Variants in ZNF385D observed in about 807,000 individuals in gnomAD.
ZNF385D encodes the protein zinc finger protein 659.
ZNF385D carries 15 observed loss-of-function variants against 35.8 expected under a neutral mutation model. The observed-to-expected ratio is 0.42, with a 90% confidence interval of 0.28 to 0.64. The LOEUF (loss-of-function observed/expected upper bound fraction) is 0.64, where lower values mean the gene tolerates loss of function less well. Among genes scored for constraint, ZNF385D ranks in the 30% least tolerant of loss-of-function variants. The pLI is 0.23. For missense variants in ZNF385D, 474 were observed against 494.6 expected (o/e 0.96, Z 0.39); for synonymous variants, 212 against 186.8 (o/e 1.13, Z -1.10).
chr3:22,086,790 G>C (rs949412564), intron 3 of ZNF385D, among the ~76,000 whole-genome samples: 2 of 152,152 alleles, frequency 1.3e-5, no homozygotes, highest in African/African-American at 4.8e-5. Flanking sequence ...GTAGGGACAT[G>C]GATGAAGCTG....
chr3:22,180,854 TA>T (rs1669745640), intron 2 of ZNF385D, among the ~76,000 whole-genome samples: 1 of 151,170 alleles, frequency 6.6e-6, no homozygotes, highest in Admixed American at 6.6e-5. Context: ...ACAGTAAGGC[TA>T]AGAGGAGAAT....
At chr3:22,266,273 C>T (rs564079835) in intron 2 of ZNF385D, among the ~76,000 whole-genome samples, 2 of 151,896 alleles carry the variant, frequency 1.3e-5, no homozygotes, top group Non-Finnish European at 2.9e-5. Flanking sequence ...AAAGTCATGC[C>T]GACTGGTAGA....
intron 3 of ZNF385D, among the ~76,000 whole-genome samples, chr3:22,065,798 G>T (rs1699918052): frequency 2.0e-5 from 3 of 152,138 alleles, no homozygotes; most frequent in South Asian, 4.1e-4. Context: ...CACAAATTGT[G>T]TAAGTCATAA....
At chr3:21,680,074 T>C (rs2066852944) in intron 1 of ZNF385D, among the ~76,000 whole-genome samples, 1 of 152,018 alleles carries the variant, frequency 6.6e-6, no homozygotes, top group Non-Finnish European at 1.5e-5. Context: ...AGTGGAAAAA[T>C]AGAGTCACAC....
intron 2 of ZNF385D, among the ~76,000 whole-genome samples, chr3:22,363,005 A>G (rs1346235782): frequency 6.6e-6 from 1 of 152,176 alleles, no homozygotes; most frequent in Non-Finnish European, 1.5e-5. Flanking sequence ...CTACGAGATC[A>G]GCAAAGAACT....
At chr3:22,282,894 C>T (rs1356918366) in intron 2 of ZNF385D, among the ~76,000 whole-genome samples, 1 of 151,946 alleles carries the variant, frequency 6.6e-6, no homozygotes, top group African/African-American at 2.4e-5. Flanking sequence ...CACAGAATGG[C>T]AGAATGGATA....
intron 3 of ZNF385D, among the ~76,000 whole-genome samples, chr3:22,081,989 CT>C (rs1187402145): frequency 1.6e-5 from 1 of 63,276 alleles, no homozygotes; most frequent in Non-Finnish European, 3.3e-5. Flanking sequence ...TTGGGGTTTT[CT>C]ATTTTTTTTT....
At chr3:21,469,047 G>A (rs1703715595) in intron 4 of ZNF385D, among the ~76,000 whole-genome samples, 1 of 151,862 alleles carries the variant, frequency 6.6e-6, no homozygotes, top group Non-Finnish European at 1.5e-5. Context: ...TGACTGGACT[G>A]TGCATGAGTA....
At chr3:21,954,593 C>T (rs1323741925) in intron 3 of ZNF385D, among the ~76,000 whole-genome samples, 2 of 152,008 alleles carry the variant, frequency 1.3e-5, no homozygotes, top group African/African-American at 4.8e-5. Context: ...TAGGTGTAAA[C>T]AACTTAATTT....
intron 2 of ZNF385D, among the ~76,000 whole-genome samples, chr3:21,580,772 T>A (rs531228878): frequency 2.4e-4 from 37 of 151,166 alleles, no homozygotes; most frequent in Admixed American, 5.3e-4. Context: ...CATATATATA[T>A]CTGAATATAT....
At chr3:21,868,393 G>C (rs1465583975) in intron 3 of ZNF385D, among the ~76,000 whole-genome samples, 1 of 152,144 alleles carries the variant, frequency 6.6e-6, no homozygotes, top group Non-Finnish European at 1.5e-5. Flanking sequence ...GGGAATGTGA[G>C]TATATAGCTA....
At chr3:21,642,185 C>A (rs2065627764) in intron 2 of ZNF385D, among the ~76,000 whole-genome samples, 1 of 152,092 alleles carries the variant, frequency 6.6e-6, no homozygotes, top group Non-Finnish European at 1.5e-5. Context: ...GTCTTTTGTG[C>A]TATATGTAAA....
Position 22,172,275 on chromosome 3 carries a change from T to C in ZNF385D, c.107-3240A>G, listed in dbSNP as rs573612003. On this transcript the variant is annotated intron_variant, in intron 2 of 5. Coordinates refer to the ZNF385D transcript ENST00000494108. ...GTAATTATCAAAGGAATGAGGTGTT[T>C]GTTTGTGTGAGTGTGTTTTAATTTT... Among the ~76,000 whole-genome samples, 39 of 152,252 alleles carry C rather than the reference T, an allele frequency of 2.6e-4. No individual in the cohort carries two copies. In the South Asian group the frequency reaches 7.5e-3, roughly 29 times the overall value.
At chr3:22,147,904 GA>G (rs1187675416) in intron 3 of ZNF385D, among the ~76,000 whole-genome samples, 2 of 152,118 alleles carry the variant, frequency 1.3e-5, no homozygotes, top group African/African-American at 4.8e-5. Flanking sequence ...CTGGAATCAT[GA>G]GCAATCATGG....
intron 2 of ZNF385D, among the ~76,000 whole-genome samples, chr3:22,270,936 T>C (rs1056656729): frequency 2.0e-5 from 3 of 152,026 alleles, no homozygotes; most frequent in Non-Finnish European, 4.4e-5. Context: ...CCCATTTCAG[T>C]TAATCTCCAA....
intron 3 of ZNF385D, among the ~76,000 whole-genome samples, chr3:21,913,775 C>T (rs1040692034): frequency 3.4e-4 from 52 of 152,168 alleles, no homozygotes; most frequent in African/African-American, 1.2e-3. Context: ...CTGTACCATT[C>T]GGCAGCCATC....
intron 3 of ZNF385D, among the ~76,000 whole-genome samples, chr3:21,910,080 A>G (rs1699888604): frequency 8.3e-6 from 1 of 120,456 alleles, no homozygotes; most frequent in South Asian, 3.4e-4. Flanking sequence ...TTAAACATAT[A>G]TTTTACACAC....
At chr3:21,876,092 A>G (rs551871294) in intron 3 of ZNF385D, among the ~76,000 whole-genome samples, 1 of 152,082 alleles carries the variant, frequency 6.6e-6, no homozygotes, top group Non-Finnish European at 1.5e-5. Flanking sequence ...TTTCACACAT[A>G]ATATAATATT....
Position 22,029,156 on chromosome 3 carries a change from C to G in ZNF385D, c.325+139661G>C, listed in dbSNP as rs1355106907. ...TCCATTAAACTGGAAGTTATGATCG[C>G]CACCTGGACACTTTGTGCTCCTCCT... On this transcript the variant is annotated intron_variant, in intron 3 of 5. Transcript: ENST00000494108. Among the ~76,000 whole-genome samples the G allele has an allele frequency of 3.9e-5, 6 of 152,286 alleles. No individual in the cohort carries two copies. In the East Asian group the frequency reaches 9.6e-4, roughly 24 times the overall value.
Sources: allele counts gnomAD v4.1 joint callset (sites outside exome capture counted in the v4.1 genomes callset), GRCh38; gene constraint gnomAD v4.1.1; transcripts MANE v1.5; gene names NCBI Gene and HGNC (gene_info 2026-07-23, HGNC 2026-07-21).